PAPSS1: variants seen among roughly 807,000 people sequenced by gnomAD.
The protein encoded by PAPSS1 is bifunctional 3'-phosphoadenosine 5'-phosphosulfate synthase 1.
Under a neutral mutation model 72.0 loss-of-function variants are expected in PAPSS1, and 50 were observed. That is an observed-to-expected ratio of 0.69 (90% CI 0.55 to 0.88). The LOEUF (loss-of-function observed/expected upper bound fraction) is 0.88. Among genes scored for constraint, PAPSS1 ranks in the 40% least tolerant of loss-of-function variants. The pLI is 0.00. For synonymous variants in PAPSS1, 261 were observed against 263.6 expected (o/e 0.99, Z 0.09); for missense variants, 657 against 782.2 (o/e 0.84, Z 1.91).
At chr4:107,632,610 A>T (rs72673576) in intron 10 of PAPSS1, among the ~76,000 whole-genome samples, 3 of 152,104 alleles carry the variant, frequency 2.0e-5, no homozygotes, top group East Asian at 3.9e-4. Flanking sequence ...TTATTAAAAA[A>T]CAAAAATTAG....
chr4:107,699,610 T>C (rs1443352041), intron 2 of PAPSS1, among the ~76,000 whole-genome samples: 2 of 152,170 alleles, frequency 1.3e-5, no homozygotes, highest in South Asian at 4.2e-4. Context: ...AGGACCTAAC[T>C]GAGAAAGACA....
At chr4:107,681,881 A>G in intron 5 of PAPSS1, 134 bp downstream of exon 5, 1 of 583,516 alleles carries the variant, frequency 1.7e-6, no homozygotes, top group Non-Finnish European at 3.1e-6. Context: ...CAGACACAGA[A>G]CACTGTTGGC....
intron 10 of PAPSS1, among the ~76,000 whole-genome samples, chr4:107,640,469 T>C (rs1339449138): frequency 1.3e-5 from 2 of 152,156 alleles, no homozygotes; most frequent in Non-Finnish European, 2.9e-5. Context: ...GGAAGAGTCG[T>C]TGTTTTTATT....
intron 11 of PAPSS1, among the ~76,000 whole-genome samples, chr4:107,622,015 C>A (rs1725978026): frequency 1.3e-5 from 2 of 152,082 alleles, no homozygotes; most frequent in Admixed American, 6.5e-5. Context: ...TATGGGGAGA[C>A]CTGGACTGCT....
At chr4:107,622,971 TTAATA>T (rs1330891893) in intron 11 of PAPSS1, among the ~76,000 whole-genome samples, 1 of 152,214 alleles carries the variant, frequency 6.6e-6, no homozygotes, top group Non-Finnish European at 1.5e-5. Context: ...CAGCCTTCAT[TTAATA>T]TAACAATTAT....
At chr4:107,652,609 A>G (rs1726870525) in intron 9 of PAPSS1, among the ~76,000 whole-genome samples, 1 of 152,184 alleles carries the variant, frequency 6.6e-6, no homozygotes, top group Non-Finnish European at 1.5e-5. Context: ...TCCTCAGCAC[A>G]TGGCATACTG....
chr4:107,657,138 AAACT>A, intron 6 of PAPSS1, 131 bp from the exon 7 acceptor site: 1 of 608,746 alleles, frequency 1.6e-6, no homozygotes, highest in South Asian at 2.1e-5. Context: ...AGATTATACC[AAACT>A]AACAAAGAAT....
intron 3 of PAPSS1, among the ~76,000 whole-genome samples, chr4:107,693,346 A>C (rs1411928091): frequency 1.3e-5 from 2 of 152,180 alleles, no homozygotes; most frequent in Non-Finnish European, 2.9e-5. Context: ...GCAGTCTCTA[A>C]AATAAGAGGA....
intron 11 of PAPSS1, among the ~76,000 whole-genome samples, chr4:107,621,999 C>T (rs1276873914): frequency 6.6e-6 from 1 of 152,058 alleles, no homozygotes; most frequent in Non-Finnish European, 1.5e-5. Flanking sequence ...ACATCAAGGG[C>T]ACTTGTATGG....
intron 7 of PAPSS1, among the ~76,000 whole-genome samples, chr4:107,655,967 CA>C: frequency 6.6e-6 from 1 of 152,098 alleles, no homozygotes; most frequent in East Asian, 1.9e-4. Flanking sequence ...AGTCACAAAA[CA>C]AAAAACTTGG....
In PAPSS1 at chr4:107,701,281, A is replaced by G; in HGVS notation, c.65T>C (p.Met22Thr). 1 of 1,604,136 alleles carries G rather than the reference A, an allele frequency of 6.2e-7. No homozygotes were observed. Among genetic ancestry groups the G allele is most frequent in the South Asian group, 1.1e-5 (1 of 89,538 alleles). The change falls in exon 2 of 12, where the codon ATG becomes ACG. Residue 22 changes from methionine (M) to threonine (T), a missense_variant. Met to Thr is a moderately conservative substitution (Grantham distance 81). Coordinates refer to ENST00000265174, the MANE Select transcript of PAPSS1 (RefSeq NM_005443.5). ...KLSNNAQNWG[M>T]QRATNVTYQA... is the part of the protein sequence containing the mutation. ...GTAGGTGACATTGGTTGCTCTCTGC[A>G]TTCCCTAGAAAAAAAAGAAAAAAAA...
intron 1 of PAPSS1, among the ~76,000 whole-genome samples, chr4:107,704,951 C>CAAA (rs60816460): frequency 6.8e-6 from 1 of 146,938 alleles, no homozygotes. Context: ...AACTCCACCT[C>CAAA]AAAAAAAAAA....
chr4:107,628,035 T>A (rs1726141216), intron 11 of PAPSS1, among the ~76,000 whole-genome samples: 1 of 152,182 alleles, frequency 6.6e-6, no homozygotes, highest in African/African-American at 2.4e-5. Context: ...TATACTAGAA[T>A]CTGGGCCACA....
Position 107,682,033 on chromosome 4 carries a change from C to T in PAPSS1, c.651G>A (p.Val217=). 5 of 1,587,990 alleles carry T rather than the reference C, an allele frequency of 3.1e-6. No homozygotes were observed. The highest frequency in any genetic ancestry group is 4.3e-6 in the Non-Finnish European group (5 of 1,159,486). ...CDVNDCVQQV[V]ELLQERDIVP... Reference sequence around the variant, plus strand: ...CTCTTACCCGTTCCTGTAGAAGTTCCACAACTTGCTGGACACAGTCATTTA... The same window carrying T: ...CTCTTACCCGTTCCTGTAGAAGTTCTACAACTTGCTGGACACAGTCATTTA... The change falls in exon 5 of 12, where the codon GTG becomes GTA. Residue 217 remains valine, a synonymous_variant. Transcript: ENST00000265174.
At chr4:107,698,867 A>G (rs1723138053) in intron 2 of PAPSS1, among the ~76,000 whole-genome samples, 1 of 152,058 alleles carries the variant, frequency 6.6e-6, no homozygotes, top group African/African-American at 2.4e-5. Flanking sequence ...TTTTTTAACA[A>G]GGACTGAACT....
At chr4:107,681,319 C>T (rs918731010) in intron 5 of PAPSS1, among the ~76,000 whole-genome samples, 2 of 152,128 alleles carry the variant, frequency 1.3e-5, no homozygotes, top group East Asian at 1.9e-4. Context: ...CCAAGACCTC[C>T]ACCCACATAG....
At chr4:107,718,681 T>C (rs1009136559) in intron 1 of PAPSS1, among the ~76,000 whole-genome samples, 8 of 152,214 alleles carry the variant, frequency 5.3e-5, no homozygotes, top group Non-Finnish European at 1.5e-5. Flanking sequence ...AGTCTCTACA[T>C]AGAATACGCA....
At chr4:107,695,913 G>A (rs1723052353) in intron 2 of PAPSS1, among the ~76,000 whole-genome samples, 1 of 152,082 alleles carries the variant, frequency 6.6e-6, no homozygotes, top group Non-Finnish European at 1.5e-5. Context: ...GTGGGCAAAG[G>A]ATATGAACAG....
At position 107,614,399 on chromosome 4, in the gene PAPSS1, G is replaced by A. The variant is rs765457395; in HGVS notation, c.1737-12C>T. ...CAAAGTCTTCATGGCTAAAGGAGAG[G>A]AAAAAAAGAAAATTATTTCATAATT... On this transcript the variant is annotated splice_polypyrimidine_tract_variant and intron_variant, in intron 11 of 11. Transcript: ENST00000265174. 11 of 1,581,562 alleles carry A rather than the reference G, an allele frequency of 7.0e-6. No homozygotes were observed. Among genetic ancestry groups the A allele is most frequent in the African/African-American group, 1.4e-5 (1 of 72,712 alleles).
Sources: allele counts gnomAD v4.1 joint callset (sites outside exome capture counted in the v4.1 genomes callset), GRCh38; gene constraint gnomAD v4.1.1; transcripts MANE v1.5; gene names NCBI Gene and HGNC (gene_info 2026-07-23, HGNC 2026-07-21).